CACNA2D3: variants seen among roughly 807,000 people sequenced by gnomAD.
The protein encoded by CACNA2D3 is calcium voltage-gated channel auxiliary subunit alpha2delta 3.
A neutral mutation model predicts 160.6 loss-of-function variants in CACNA2D3; 60 were observed. The observed-to-expected ratio is 0.37, with a 90% CI of 0.30 to 0.46. The LOEUF (loss-of-function observed/expected upper bound fraction) is 0.46, where lower values mean the gene tolerates loss of function less well. Among genes scored for constraint, CACNA2D3 ranks in the 20% least tolerant of loss-of-function variants. The pLI, the probability that CACNA2D3 is intolerant of heterozygous loss-of-function variation, is 1.00. For synonymous variants in CACNA2D3, 558 were observed against 492.9 expected, an observed-to-expected ratio of 1.13 and a Z score of -1.75; for missense variants, 1,205 against 1,365.0, an observed-to-expected ratio of 0.88 and a Z score of 1.85.
At chr3:54,269,433 A>T (rs1702576741) in intron 2 of CACNA2D3, among the ~76,000 whole-genome samples, 2 of 152,166 alleles carry the variant, frequency 1.3e-5, no homozygotes, top group Admixed American at 1.3e-4. Flanking sequence ...GAAGAATAAG[A>T]TAAAGAAAAG....
intron 10 of CACNA2D3, among the ~76,000 whole-genome samples, chr3:54,630,738 C>A (rs1699218413): frequency 6.6e-6 from 1 of 152,252 alleles, no homozygotes; most frequent in South Asian, 2.1e-4. Context: ...GAGAAATCAC[C>A]AACACATGGT....
At chr3:54,461,180 G>C (rs1700497093) in intron 4 of CACNA2D3, among the ~76,000 whole-genome samples, 1 of 152,110 alleles carries the variant, frequency 6.6e-6, no homozygotes. Flanking sequence ...TGGTTTGGCA[G>C]TATTTGATTG....
chr3:54,386,750 A>G lies in CACNA2D3; in HGVS notation c.357A>G (p.Lys119=), dbSNP rs900240542. The change falls in exon 4 of 38, where the codon AAA becomes AAG. Residue 119 remains lysine (K), a synonymous_variant. Coordinates refer to ENST00000474759, the MANE Select transcript of CACNA2D3 (RefSeq NM_018398.3). ...LVEAAEEAHL[K]HEFDADLQYE... is the part of the protein sequence containing the mutation. ...AGGCTGCAGAAGAAGCACACCTGAA[A>G]CATGAATTTGATGCAGACTTACAGG... 1.9e-6 allele frequency: 3 copies of G among 1,589,344 alleles called. No homozygotes were observed. Among genetic ancestry groups the G allele is most frequent in the Non-Finnish European group, 2.6e-6 (3 of 1,168,210 alleles).
chr3:54,938,497 C>G (rs1701383392), intron 27 of CACNA2D3, among the ~76,000 whole-genome samples: 1 of 152,068 alleles, frequency 6.6e-6, no homozygotes. Context: ...TAGATCCTTG[C>G]CATTTGCAAG....
At chr3:55,028,032 C>G (rs994618895) in intron 35 of CACNA2D3, among the ~76,000 whole-genome samples, 1 of 152,170 alleles carries the variant, frequency 6.6e-6, no homozygotes, top group African/African-American at 2.4e-5. Context: ...TCAGGTGGTT[C>G]TACCCATATA....
intron 28 of CACNA2D3, among the ~76,000 whole-genome samples, chr3:54,969,005 G>A (rs1702215963): frequency 6.6e-6 from 1 of 152,094 alleles, no homozygotes; most frequent in African/African-American, 2.4e-5. Context: ...CATCTCAGTG[G>A]TATTTGTTGA....
chr3:54,441,546 C>T (rs34525971), intron 4 of CACNA2D3, among the ~76,000 whole-genome samples: 35,040 of 152,126 alleles, frequency 0.23, 5,366 homozygotes, highest in Non-Finnish European at 0.35. Context: ...GTGTTTTAGA[C>T]ATGAAGTCCT....
intron 16 of CACNA2D3, among the ~76,000 whole-genome samples, chr3:54,839,729 G>T (rs1698779914): frequency 1.3e-5 from 2 of 152,154 alleles, no homozygotes; most frequent in African/African-American, 2.4e-5. Context: ...GGGGGACCTG[G>T]GCTTTCCTGG....
At chr3:54,138,477 C>G (rs1236277597) in intron 2 of CACNA2D3, among the ~76,000 whole-genome samples, 1 of 152,180 alleles carries the variant, frequency 6.6e-6, no homozygotes, top group Admixed American at 6.5e-5. Context: ...GTTATAGTGC[C>G]TGCCTCCTCC....
intron 27 of CACNA2D3, among the ~76,000 whole-genome samples, chr3:54,954,785 A>G (rs1042378491): frequency 2.6e-5 from 4 of 152,122 alleles, no homozygotes; most frequent in Admixed American, 2.0e-4. Flanking sequence ...GGCCTTAAGC[A>G]TGGAATGCTT....
chr3:54,285,559 G>C (rs906786985), intron 2 of CACNA2D3, among the ~76,000 whole-genome samples: 1 of 152,226 alleles, frequency 6.6e-6, no homozygotes, highest in East Asian at 1.9e-4. Context: ...AAATGTCCCT[G>C]TCTGACAGCT....
At chr3:54,607,553 A>G (rs1389641380) in intron 9 of CACNA2D3, among the ~76,000 whole-genome samples, 2 of 152,186 alleles carry the variant, frequency 1.3e-5, no homozygotes, top group South Asian at 2.1e-4. Flanking sequence ...GTAAAAAAAA[A>G]TACTGACAAT....
At chr3:54,684,386 G>A (rs114817682) in intron 11 of CACNA2D3, among the ~76,000 whole-genome samples, 1 of 152,244 alleles carries the variant, frequency 6.6e-6, no homozygotes, top group South Asian at 2.1e-4. Flanking sequence ...CAGGTACTGG[G>A]GATTAGGACC....
intron 14 of CACNA2D3, among the ~76,000 whole-genome samples, chr3:54,826,062 A>G (rs1026135814): frequency 3.3e-5 from 5 of 152,210 alleles, no homozygotes; most frequent in African/African-American, 1.2e-4. Context: ...GTTTGTGCAC[A>G]TTAAAACTAA....
intron 10 of CACNA2D3, among the ~76,000 whole-genome samples, chr3:54,641,596 A>G (rs764360142): frequency 6.6e-6 from 1 of 152,260 alleles, no homozygotes; most frequent in Non-Finnish European, 1.5e-5. Context: ...AAGACTTTAT[A>G]TGACCATTTC....
chr3:54,357,682 G>T (rs1698673064), intron 3 of CACNA2D3, among the ~76,000 whole-genome samples: 1 of 152,214 alleles, frequency 6.6e-6, no homozygotes, highest in Admixed American at 6.5e-5. Flanking sequence ...TATTTAATAG[G>T]TGAATGGATA....
intron 2 of CACNA2D3, among the ~76,000 whole-genome samples, chr3:54,218,323 T>C (rs542596654): frequency 6.6e-6 from 1 of 152,286 alleles, no homozygotes; most frequent in East Asian, 1.9e-4. Flanking sequence ...GGCAGCTGCA[T>C]CCGTCTCAGC....
At chr3:54,664,753 G>A (rs559854752) in intron 11 of CACNA2D3, among the ~76,000 whole-genome samples, 14 of 152,354 alleles carry the variant, frequency 9.2e-5, no homozygotes, top group Non-Finnish European at 1.8e-4. Flanking sequence ...CTGAGCAGGG[G>A]GACTCAGAGG....
chr3:54,542,992 C>T (rs1042770102), intron 5 of CACNA2D3, among the ~76,000 whole-genome samples: 1 of 152,208 alleles, frequency 6.6e-6, no homozygotes, highest in Non-Finnish European at 1.5e-5. Context: ...GACAAGCGAA[C>T]ACCTCATGTG....
Sources: allele counts gnomAD v4.1 joint callset (sites outside exome capture counted in the v4.1 genomes callset), GRCh38; gene constraint gnomAD v4.1.1; transcripts MANE v1.5; gene names NCBI Gene and HGNC (gene_info 2026-07-23, HGNC 2026-07-21).